Variants in PTPRD observed in about 807,000 individuals in gnomAD.
PTPRD encodes protein tyrosine phosphatase receptor type D, also known as receptor-type tyrosine-protein phosphatase delta.
In PTPRD, 34 loss-of-function variants were observed where a neutral mutation model predicts 214.5. That is an observed-to-expected ratio of 0.16 (90% CI 0.12 to 0.21). PTPRD has a LOEUF of 0.21. Ranked by LOEUF, PTPRD falls within the 10% of genes least tolerant of loss-of-function variation. The pLI, the probability that PTPRD is intolerant of heterozygous loss-of-function variation, is 1.00. For synonymous variants in PTPRD, 1,128 were observed against 845.7 expected (o/e 1.33, Z -5.79); for missense variants, 2,545 against 2,398.7 (o/e 1.06, Z -1.27).
At chr9:9,013,227 C>T (rs1053239695) in intron 11 of PTPRD, among the ~76,000 whole-genome samples, 3 of 151,832 alleles carry the variant, frequency 2.0e-5, no homozygotes, top group Non-Finnish European at 2.9e-5. Context: ...TCCGATGAAG[C>T]GTTTCTGAAG....
chr9:10,396,773 G>C (rs1309196689), intron 2 of PTPRD, among the ~76,000 whole-genome samples: 2 of 151,964 alleles, frequency 1.3e-5, no homozygotes, highest in Non-Finnish European at 2.9e-5. Context: ...AATAAAACTT[G>C]CTGATTTTCC....
intron 10 of PTPRD, among the ~76,000 whole-genome samples, chr9:9,095,412 AC>A (rs554092019): frequency 1.2e-4 from 19 of 152,240 alleles, no homozygotes; most frequent in Non-Finnish European, 2.6e-4. Context: ...AAGTCAACAT[AC>A]AAAAATCAAA....
chr9:9,469,087 G>A (rs1049016439), intron 8 of PTPRD, among the ~76,000 whole-genome samples: 2 of 152,022 alleles, frequency 1.3e-5, no homozygotes, highest in Non-Finnish European at 2.9e-5. Flanking sequence ...ATTGGGATAT[G>A]CTTATCACAT....
chr9:10,062,681 G>C (rs945702083), intron 3 of PTPRD, among the ~76,000 whole-genome samples: 10 of 150,174 alleles, frequency 6.7e-5, no homozygotes, highest in Non-Finnish European at 1.5e-5. Context: ...CACTTAGGGA[G>C]AGGTACCCTA....
intron 5 of PTPRD, among the ~76,000 whole-genome samples, chr9:9,801,590 C>A (rs2099040438): frequency 6.6e-6 from 1 of 151,972 alleles, no homozygotes; most frequent in Admixed American, 6.6e-5. Flanking sequence ...GTGAACAAAA[C>A]TTTTGTTGGA....
At chr9:9,661,761 T>C (rs1190126022) in intron 7 of PTPRD, among the ~76,000 whole-genome samples, 1 of 151,150 alleles carries the variant, frequency 6.6e-6, no homozygotes, top group East Asian at 1.9e-4. Context: ...TCTAAGAAAA[T>C]AAAGGAAGAA....
At chr9:9,275,183 G>C (rs1310845608) in intron 9 of PTPRD, among the ~76,000 whole-genome samples, 1 of 18,738 alleles carries the variant, frequency 5.3e-5, no homozygotes, top group African/African-American at 2.2e-4. Flanking sequence ...TAATATATAT[G>C]TTATATATAT....
At chr9:8,458,248 T>G (rs1392461413) in intron 33 of PTPRD, among the ~76,000 whole-genome samples, 1 of 152,154 alleles carries the variant, frequency 6.6e-6, no homozygotes, top group African/African-American at 2.4e-5. Context: ...GTGAGTTGAT[T>G]TTTTAAGCAC....
At chr9:10,431,430 C>T (rs1489968098) in intron 2 of PTPRD, among the ~76,000 whole-genome samples, 6 of 152,072 alleles carry the variant, frequency 3.9e-5, no homozygotes, top group Non-Finnish European at 8.8e-5. Flanking sequence ...ACAAAATTGA[C>T]AAGTGGGATC....
At chr9:9,207,402 G>C (rs1245515267) in intron 9 of PTPRD, among the ~76,000 whole-genome samples, 1 of 151,668 alleles carries the variant, frequency 6.6e-6, no homozygotes, top group Non-Finnish European at 1.5e-5. Context: ...AAAATACAAA[G>C]AGCTTCTAAA....
At chr9:10,395,589 C>G (rs536204091) in intron 2 of PTPRD, among the ~76,000 whole-genome samples, 1 of 151,872 alleles carries the variant, frequency 6.6e-6, no homozygotes, top group Non-Finnish European at 1.5e-5. Flanking sequence ...AAGATATTAA[C>G]GTTTTGAGAA....
At chr9:9,763,849 A>AT (rs2098682937) in intron 6 of PTPRD, among the ~76,000 whole-genome samples, 1 of 152,114 alleles carries the variant, frequency 6.6e-6, no homozygotes, top group Admixed American at 6.5e-5. Context: ...AAAATTATAT[A>AT]TTTTTAAATA....
chr9:9,967,840 A>G (rs1025240950), intron 4 of PTPRD, among the ~76,000 whole-genome samples: 6 of 152,192 alleles, frequency 3.9e-5, no homozygotes, highest in Admixed American at 2.6e-4. Flanking sequence ...TAAGCATACC[A>G]TACCTGAGAA....
chr9:9,835,137 A>T (rs2056366184), intron 5 of PTPRD, among the ~76,000 whole-genome samples: 1 of 152,124 alleles, frequency 6.6e-6, no homozygotes, highest in South Asian at 2.1e-4. Flanking sequence ...TATCCTAGAT[A>T]TCTAAATTTA....
intron 2 of PTPRD, among the ~76,000 whole-genome samples, chr9:10,417,001 G>T (rs1345606953): frequency 6.6e-6 from 1 of 151,876 alleles, no homozygotes; most frequent in Admixed American, 6.6e-5. Flanking sequence ...TTATCTTCCA[G>T]ACAAGAGTTG....
At chr9:10,229,149 G>C (rs1378773857) in intron 3 of PTPRD, among the ~76,000 whole-genome samples, 2 of 152,036 alleles carry the variant, frequency 1.3e-5, no homozygotes, top group Non-Finnish European at 2.9e-5. Context: ...AAACCACAAT[G>C]AGATACTATC....
intron 37 of PTPRD, among the ~76,000 whole-genome samples, chr9:8,379,202 A>G (rs2084192389): frequency 1.3e-5 from 2 of 152,216 alleles, no homozygotes; most frequent in Admixed American, 6.6e-5. Flanking sequence ...AATATTTCTC[A>G]AAAGGACCTT....
rs558651055 is a variant in PTPRD, at chr9:9,500,238, T to C, written c.-237+74494A>G. ...GTGTAATCTCTCCTCCCAGCCATGA[T>C]AGAGAAAGTCACACCAGGCTTGGCC... is the stretch of plus-strand genomic sequence containing the variant. On this transcript the variant is annotated intron_variant, in intron 8 of 45. Coordinates refer to ENST00000381196, the MANE Select transcript of PTPRD (RefSeq NM_002839.4). Among the ~76,000 whole-genome samples the C allele has an allele frequency of 2.0e-5, 3 of 152,234 alleles. 1 individual carries two copies.
At chr9:9,191,224 G>A (rs990598588) in intron 9 of PTPRD, among the ~76,000 whole-genome samples, 14 of 152,140 alleles carry the variant, frequency 9.2e-5, no homozygotes, top group African/African-American at 2.9e-4. Flanking sequence ...AAGGGCCCAT[G>A]TGGCAAAAGG....
Sources: allele counts gnomAD v4.1 joint callset (sites outside exome capture counted in the v4.1 genomes callset), GRCh38; gene constraint gnomAD v4.1.1; transcripts MANE v1.5; gene names NCBI Gene and HGNC (gene_info 2026-07-23, HGNC 2026-07-21).